MRPS25: variants seen among roughly 807,000 people sequenced by gnomAD.
MRPS25 encodes the protein mitochondrial ribosomal protein S25, also known as small ribosomal subunit protein mS25.
A neutral mutation model predicts 17.3 loss-of-function variants in MRPS25; 15 were observed. The observed-to-expected ratio is 0.87, with a 90% CI of 0.58 to 1.34. The LOEUF is 1.34. MRPS25 is among the 40% of genes most tolerant of loss of function. MRPS25 has a pLI of 0.00. For synonymous variants in MRPS25, 94 were observed against 83.3 expected, an observed-to-expected ratio of 1.13 and a Z score of -0.70; for missense variants, 225 against 218.6, an observed-to-expected ratio of 1.03 and a Z score of -0.19.
chr3:15,060,579 G>C (rs1016678288), intron 1 of MRPS25, among the ~76,000 whole-genome samples: 2 of 149,276 alleles, frequency 1.3e-5, no homozygotes, highest in East Asian at 4.0e-4. Flanking sequence ...ATGGGTATAA[G>C]ACTCAAATTA....
chr3:15,054,036 C>A lies in MRPS25; in HGVS notation c.242-569G>T, dbSNP rs146126894. Among the ~76,000 whole-genome samples, 42 of 152,092 alleles carry A rather than the reference C, an allele frequency of 2.8e-4. No homozygotes were observed. The East Asian group carries it at 7.6e-3, about 27-fold the overall frequency. ...CTTTGGGAGGCTGAGGCAGGTGGAT[C>A]ATGAGGTCAGGAGTTCAAGACCAGC... is the stretch of plus-strand genomic sequence containing the variant. On this transcript the variant is annotated intron_variant, in intron 2 of 3. Transcript: ENST00000253686.
At chr3:15,056,102 C>T (rs2042669614) in intron 2 of MRPS25, among the ~76,000 whole-genome samples, 1 of 151,408 alleles carries the variant, frequency 6.6e-6, no homozygotes, top group South Asian at 2.1e-4. Context: ...GTAGTCCCAG[C>T]TACTCGGGAG....
At chr3:15,061,056 C>T (rs2042746695) in intron 1 of MRPS25, among the ~76,000 whole-genome samples, 1 of 152,124 alleles carries the variant, frequency 6.6e-6, no homozygotes, top group African/African-American at 2.4e-5. Flanking sequence ...CCCAGTGTCA[C>T]AGAACTTTTT....
At chr3:15,054,888 G>T (rs2042650377) in intron 2 of MRPS25, among the ~76,000 whole-genome samples, 1 of 152,154 alleles carries the variant, frequency 6.6e-6, no homozygotes, top group South Asian at 2.1e-4. Flanking sequence ...GAATATATTA[G>T]TTCATTCTCT....
At chr3:15,058,296 T>C (rs1474559736) in intron 2 of MRPS25, among the ~76,000 whole-genome samples, 1 of 151,944 alleles carries the variant, frequency 6.6e-6, no homozygotes, top group Non-Finnish European at 1.5e-5. Context: ...TTCACACCAT[T>C]CTCCTGCCTC....
At chr3:15,053,245 C>G (rs2042628510) in intron 3 of MRPS25, 135 bp downstream of exon 3, 2 of 1,499,166 alleles carry the variant, frequency 1.3e-6, no homozygotes, top group South Asian at 2.6e-5. Context: ...GATTCTACAG[C>G]CCCAGCTCTT....
chr3:15,052,348 A>T lies in MRPS25; in HGVS notation c.*93T>A, dbSNP rs911259709. 2.6e-6 allele frequency: 4 copies of T among 1,519,584 alleles called. No homozygotes were observed. Among genetic ancestry groups the T allele is most frequent in the Non-Finnish European group, 3.5e-6 (4 of 1,134,702 alleles). The allele number at this position is 1,519,584 out of a possible 1,614,324, so 94.1% of individuals were successfully genotyped here. A position where few individuals can be genotyped will look rare whatever the true frequency, so the allele number is the denominator to read the frequency against. On this transcript the variant is annotated 3_prime_UTR_variant, in exon 4 of 4. Transcript: ENST00000253686. ...AAAAGGATTTCCAGAGTCTCCAGGG[A>T]CAGAACCAGGGGCTTCCCTGGGCCA...
chr3:15,048,587 T>C lies in MRPS25; in HGVS notation c.*3854A>G, dbSNP rs1477987296. 6.6e-6 allele frequency: 1 copy of C among 152,642 alleles called. No homozygotes were observed. The highest frequency in any genetic ancestry group is 1.5e-5 in the Non-Finnish European group (1 of 68,036). 9.5% of individuals were successfully genotyped at this position (152,642 alleles called of 1,614,324 possible). On this transcript the variant is annotated 3_prime_UTR_variant, in exon 4 of 4. Coordinates refer to ENST00000253686, the MANE Select transcript of MRPS25 (RefSeq NM_022497.5). Reference sequence around the variant, plus strand: ...TGTTTGGAATAACATTTGGAAGTAGTAGACTTTGCATTAAAAAATGGCTTT... The same window carrying C: ...TGTTTGGAATAACATTTGGAAGTAGCAGACTTTGCATTAAAAAATGGCTTT...
In MRPS25 at chr3:15,059,451, A is replaced by T. The variant is rs138868803; in HGVS notation, c.159T>A (p.Pro53=). The change falls in exon 2 of 4, where the codon CCT becomes CCA. Residue 53 remains proline, a synonymous_variant. Coordinates refer to ENST00000253686, the MANE Select transcript of MRPS25 (RefSeq NM_022497.5). Reference sequence around the variant, plus strand: ...CCCAAGGGTTTTTGTATTGAATCTGAGGTATGTTGAAAAACACAAACTTCC... The same window carrying T: ...CCCAAGGGTTTTTGTATTGAATCTGTGGTATGTTGAAAAACACAAACTTCC... ...GARKFVFFNI[P]QIQYKNPWVQ... 2.8e-5 allele frequency: 45 copies of T among 1,613,180 alleles called. No homozygotes were observed. The African/African-American group carries it at 5.7e-4, about 21-fold the overall frequency.
Position 15,048,985 on chromosome 3 carries a change from C to A in MRPS25, c.*3456G>T, listed in dbSNP as rs1471362777. On this transcript the variant is annotated 3_prime_UTR_variant, in exon 4 of 4. Coordinates refer to ENST00000253686, the MANE Select transcript of MRPS25 (RefSeq NM_022497.5). ...TTACATTTTAATGCCAGGTTTAAAA[C>A]CTGTTGAAAGCTGCAGCTTTATACA... 1 of 152,618 alleles carries A rather than the reference C, an allele frequency of 6.6e-6. No individual in the cohort carries two copies. Among genetic ancestry groups the A allele is most frequent in the Non-Finnish European group, 1.5e-5 (1 of 68,038 alleles). The allele number at this position is 152,618 out of a possible 1,614,324, so 9.5% of individuals were successfully genotyped here.
intron 1 of MRPS25, among the ~76,000 whole-genome samples, chr3:15,061,698 C>T (rs2042764115): frequency 6.6e-6 from 1 of 150,508 alleles, no homozygotes; most frequent in African/African-American, 2.5e-5. Flanking sequence ...TGTGAGGAGC[C>T]CCTCTGCCTG....
chr3:15,051,804 C>T lies in MRPS25; in HGVS notation c.*637G>A. ...TGGGCCATGGGTTGGCAGTGGCTGA[C>T]TGGTCAGCAGGTACGTGCCTGAGTG... On this transcript the variant is annotated 3_prime_UTR_variant, in exon 4 of 4. Transcript: ENST00000253686. The T allele has an allele frequency of 1.0e-6, 1 of 985,492 alleles. No homozygotes were observed. Among genetic ancestry groups the T allele is most frequent in the Non-Finnish European group, 1.2e-6 (1 of 829,988 alleles). 61.0% of individuals were successfully genotyped at this position (985,492 alleles called of 1,614,324 possible). A position where few individuals can be genotyped will look rare whatever the true frequency, so the allele number is the denominator to read the frequency against.
downstream of MRPS25, chr3:15,042,801 A>G: frequency 4.4e-6 from 7 of 1,601,132 alleles, no homozygotes; most frequent in Middle Eastern, 1.7e-4. Context: ...GGCATCAAAC[A>G]GTCTCCTTTT....
At chr3:15,057,159 C>G (rs1246527219) in intron 2 of MRPS25, among the ~76,000 whole-genome samples, 1 of 152,228 alleles carries the variant, frequency 6.6e-6, no homozygotes, top group Non-Finnish European at 1.5e-5. Flanking sequence ...CTGCGCAGCA[C>G]TTGGGCAGCC....
chr3:15,052,756 T>C, intron 3 of MRPS25, 123 bp from the exon 4 acceptor site: 2 of 991,558 alleles, frequency 2.0e-6, no homozygotes, highest in Non-Finnish European at 3.0e-6. Context: ...CCTTCTAACC[T>C]GATCCTCACT....
intron 2 of MRPS25, among the ~76,000 whole-genome samples, chr3:15,058,355 A>G (rs2042700298): frequency 6.6e-6 from 1 of 151,982 alleles, no homozygotes; most frequent in South Asian, 2.1e-4. Flanking sequence ...ACGCCCGGCT[A>G]ATTTTTTATA....
intron 2 of MRPS25, among the ~76,000 whole-genome samples, chr3:15,057,972 C>T (rs2042695744): frequency 1.3e-5 from 2 of 152,008 alleles, no homozygotes; most frequent in Admixed American, 6.6e-5. Flanking sequence ...GCAACCTCTG[C>T]CTCCCAGGCT....
chr3:15,065,011 G>A (rs866686215), intron 1 of MRPS25, 50 bp downstream of exon 1: 1 of 1,563,220 alleles, frequency 6.4e-7, no homozygotes, highest in Non-Finnish European at 8.6e-7. Context: ...CCAGCAGGCT[G>A]GCACGACTAG....
chr3:15,042,943 A>C, downstream of MRPS25: 1 of 1,614,232 alleles, frequency 6.2e-7, no homozygotes, highest in Non-Finnish European at 8.5e-7. Flanking sequence ...AGACAGCATA[A>C]TCCCCTACAT....
Sources: allele counts gnomAD v4.1 joint callset (sites outside exome capture counted in the v4.1 genomes callset), GRCh38; gene constraint gnomAD v4.1.1; transcripts MANE v1.5; gene names NCBI Gene and HGNC (gene_info 2026-07-23, HGNC 2026-07-21).